The following STXBP4 variants were observed in gnomAD, a reference collection of about 807,000 sequenced individuals.
The protein encoded by STXBP4 is syntaxin binding protein 4, also known as syntaxin-binding protein 4.
Under a neutral mutation model 76.1 loss-of-function variants are expected in STXBP4, and 55 were observed. The observed-to-expected ratio is 0.72, with a 90% CI of 0.58 to 0.91. STXBP4 has a LOEUF of 0.91. Among genes scored for constraint, STXBP4 ranks in the 40% least tolerant of loss-of-function variants. The pLI, the probability that STXBP4 is intolerant of heterozygous loss-of-function variation, is 0.00. For missense variants in STXBP4, 618 were observed against 636.9 expected (o/e 0.97, Z 0.32); for synonymous variants, 201 against 220.2 (o/e 0.91, Z 0.77).
intron 16 of STXBP4, among the ~76,000 whole-genome samples, chr17:55,095,069 T>C (rs2079467365): frequency 6.6e-6 from 1 of 152,158 alleles, no homozygotes; most frequent in South Asian, 2.1e-4. Context: ...ATATAGTAGT[T>C]GTCAAGGGGA....
intron 12 of STXBP4, among the ~76,000 whole-genome samples, chr17:55,068,414 C>T (rs2079079617): frequency 6.6e-6 from 1 of 152,138 alleles, no homozygotes; most frequent in Non-Finnish European, 1.5e-5. Flanking sequence ...AGCCTAATTA[C>T]AGATGTGCTA....
At chr17:55,181,767 T>C in the STXBP4 span, among the ~76,000 whole-genome samples, 730 of 152,332 alleles carry the variant, frequency 4.8e-3, 6 homozygotes, top group African/African-American at 0.017. Context: ...CATTTGAGCC[T>C]ATTTACCCTT....
Position 55,172,657 on chromosome 17 carries a change from T to C in STXBP4, c.*12746T>C, listed in dbSNP as rs148533342. The C allele has an allele frequency of 2.0e-4, 30 of 152,346 alleles. No homozygotes were observed. The highest frequency in any genetic ancestry group is 3.8e-4 in the Non-Finnish European group (26 of 68,032). 9.4% of individuals were successfully genotyped at this position (152,346 alleles called of 1,614,324 possible). ...TTACATAGAAGTTACAGTTTAAAGT[T>C]TGCATCTCGTAATAACTTGGTGAGA... On this transcript the variant is annotated 3_prime_UTR_variant, in exon 18 of 18. Transcript: ENST00000376352.
At chr17:55,182,902 T>C in the STXBP4 span, among the ~76,000 whole-genome samples, 3 of 151,826 alleles carry the variant, frequency 2.0e-5, no homozygotes, top group Non-Finnish European at 4.4e-5. Flanking sequence ...ACAACAAAAG[T>C]CAAGAGAATT....
rs559183424 is a variant in STXBP4, at chr17:55,123,348, G to A, written c.1490-17962G>A. ...ATCAATTAAACCAAATCAATATGTCGAAATAAAAATGGACTATTTATAATT... is the reference window on the plus strand; with the variant it reads ...ATCAATTAAACCAAATCAATATGTCAAAATAAAAATGGACTATTTATAATT... On this transcript the variant is annotated intron_variant, in intron 16 of 17. Transcript: ENST00000376352. 5.3e-5 allele frequency among the ~76,000 whole-genome samples: 8 copies of A among 152,122 alleles called. 1 individual carries two copies. The highest frequency in any genetic ancestry group is 1.7e-4 in the African/African-American group (7 of 41,508).
chr17:55,137,747 C>T (rs928429304), intron 16 of STXBP4, among the ~76,000 whole-genome samples: 6 of 152,042 alleles, frequency 3.9e-5, no homozygotes, highest in Non-Finnish European at 1.5e-5. Flanking sequence ...TAGAATCTAA[C>T]CACTCAATAA....
intron 16 of STXBP4, among the ~76,000 whole-genome samples, chr17:55,132,563 T>C (rs2079984584): frequency 6.6e-6 from 1 of 152,222 alleles, no homozygotes; most frequent in African/African-American, 2.4e-5. Context: ...TCCTATTGAA[T>C]AGTAGGTATT....
intron 8 of STXBP4, among the ~76,000 whole-genome samples, chr17:55,023,330 A>T (rs955012138): frequency 1.3e-5 from 2 of 152,200 alleles, no homozygotes; most frequent in Non-Finnish European, 2.9e-5. Context: ...GAAACTTTTG[A>T]TATTTTCAGA....
At position 55,066,418 on chromosome 17, in the gene STXBP4, T is replaced by A. The variant is rs796327022; in HGVS notation, c.1012-6482T>A. Among the ~76,000 whole-genome samples the A allele has an allele frequency of 1.2e-4, 18 of 152,250 alleles. 1 individual carries two copies. The highest frequency in any genetic ancestry group is 4.3e-4 in the African/African-American group (18 of 41,540). Reference sequence around the variant, plus strand: ...TTTGTATTTTTAGTAGACATGAGGTTTCACCATATTAGCTATGCTGATCTC... The same window carrying A: ...TTTGTATTTTTAGTAGACATGAGGTATCACCATATTAGCTATGCTGATCTC... On this transcript the variant is annotated intron_variant, in intron 12 of 17. Coordinates refer to ENST00000376352, the MANE Select transcript of STXBP4 (RefSeq NM_178509.6).
chr17:55,120,045 G>T (rs1280615923), intron 16 of STXBP4, among the ~76,000 whole-genome samples: 3 of 152,054 alleles, frequency 2.0e-5, no homozygotes, highest in East Asian at 3.8e-4. Context: ...CACAGTTAAG[G>T]TTACTAAAGT....
intron 16 of STXBP4, among the ~76,000 whole-genome samples, chr17:55,088,433 T>G (rs558381035): frequency 6.6e-6 from 1 of 152,320 alleles, no homozygotes; most frequent in African/African-American, 2.4e-5. Flanking sequence ...GACAATTCTG[T>G]TGCCCGGGCT....
intron 16 of STXBP4, among the ~76,000 whole-genome samples, chr17:55,134,697 A>G (rs1390504095): frequency 6.6e-6 from 1 of 152,152 alleles, no homozygotes. Flanking sequence ...ATTTCATCCT[A>G]TTATTCAGCT....
the STXBP4 span, among the ~76,000 whole-genome samples, chr17:55,204,119 T>A: frequency 6.6e-6 from 1 of 152,054 alleles, no homozygotes; most frequent in Non-Finnish European, 1.5e-5. Flanking sequence ...CCTGTCCTTC[T>A]ATTTTTAATG....
chr17:55,157,755 G>T (rs1598357128), intron 17 of STXBP4, among the ~76,000 whole-genome samples: 1 of 152,094 alleles, frequency 6.6e-6, no homozygotes. Flanking sequence ...TATACTATAG[G>T]ATTGAAAACA....
In STXBP4 at chr17:55,000,986, CTT is replaced by C. The variant is rs144275533; in HGVS notation, c.574+105_574+106del. The stretch of plus-strand genomic sequence containing the variant: ...GACTTTGAAGAAGGGTGAATTATGT[CTT>C]TGTTCCTTCAGTGAACGAAAAAGTA... On this transcript the variant is annotated intron_variant, in intron 7 of 17. Coordinates refer to ENST00000376352, the MANE Select transcript of STXBP4 (RefSeq NM_178509.6). 6.8e-4 allele frequency: 518 copies of C among 764,256 alleles called. 2 individuals carry two copies. In the East Asian group the frequency reaches 0.013, roughly 19 times the overall value. The allele number at this position is 764,256 out of a possible 1,614,324, so 47.3% of individuals were successfully genotyped here. A position where few individuals can be genotyped will look rare whatever the true frequency, so the allele number is the denominator to read the frequency against.
At chr17:55,212,262 A>AAACTCTATCAGGG in the STXBP4 span, among the ~76,000 whole-genome samples, 1 of 151,992 alleles carries the variant, frequency 6.6e-6, no homozygotes, top group African/African-American at 2.4e-5. Flanking sequence ...TCCCTGGACT[A>AAACTCTATCAGGG]TAGGGTCATG....
At chr17:55,057,344 T>C (rs977683758) in intron 12 of STXBP4, among the ~76,000 whole-genome samples, 1 of 152,184 alleles carries the variant, frequency 6.6e-6, no homozygotes, top group African/African-American at 2.4e-5. Flanking sequence ...CTTTTAACAG[T>C]TTTATAAACT....
At chr17:54,986,339 A>G (rs929520623) in intron 3 of STXBP4, 73 bp downstream of exon 3, 4 of 1,233,160 alleles carry the variant, frequency 3.2e-6, no homozygotes, top group Admixed American at 4.1e-5. Context: ...TTTGATTAAA[A>G]GTTTTTTTAC....
chr17:55,112,304 T>C (rs1340938350), intron 16 of STXBP4, among the ~76,000 whole-genome samples: 2 of 152,206 alleles, frequency 1.3e-5, no homozygotes, highest in Non-Finnish European at 2.9e-5. Context: ...ATTTTTCTAA[T>C]AGGACTTATT....
Sources: gnomAD v4.1 joint callset for allele counts (sites outside exome capture counted in the v4.1 genomes callset) on GRCh38, gnomAD v4.1.1 for gene constraint, MANE v1.5 for transcripts, NCBI Gene and HGNC (gene_info 2026-07-23, HGNC 2026-07-21) for gene names.